The following TRHDE variants were observed in gnomAD, a reference collection of about 807,000 sequenced individuals.
TRHDE encodes the protein thyrotropin-releasing hormone-degrading ectoenzyme.
A neutral mutation model predicts 125.7 loss-of-function variants in TRHDE; 72 were observed. The observed-to-expected ratio is 0.57, with a 90% CI of 0.47 to 0.70. TRHDE has a LOEUF of 0.70. Among genes scored for constraint, TRHDE ranks in the 30% least tolerant of loss-of-function variants. TRHDE has a pLI of 0.00. For synonymous variants in TRHDE, 509 were observed against 509.1 expected, an observed-to-expected ratio of 1.00 and a Z score of 0.00; for missense variants, 1,110 against 1,327.1, an observed-to-expected ratio of 0.84 and a Z score of 2.54.
intron 12 of TRHDE, among the ~76,000 whole-genome samples, chr12:72,596,406 C>T (rs1871942410): frequency 6.6e-6 from 1 of 152,114 alleles, no homozygotes; most frequent in South Asian, 2.1e-4. Flanking sequence ...CACTGTAACA[C>T]TGTTTTGCAC....
chr12:72,365,113 A>G (rs1871288411), intron 2 of TRHDE, among the ~76,000 whole-genome samples: 1 of 152,078 alleles, frequency 6.6e-6, no homozygotes, highest in Non-Finnish European at 1.5e-5. Context: ...TGCAGGAGAA[A>G]GATTAGTTGT....
chr12:72,154,365 C>G (rs574752456), intron 2 of TRHDE, among the ~76,000 whole-genome samples: 454 of 152,268 alleles, frequency 3.0e-3, no homozygotes, highest in African/African-American at 0.011. Context: ...CAGTCTGTGT[C>G]TATTAATTGG....
At chr12:72,088,524 C>T (rs1022547102) in intron 1 of TRHDE, among the ~76,000 whole-genome samples, 3 of 151,902 alleles carry the variant, frequency 2.0e-5, no homozygotes, top group African/African-American at 7.3e-5. Context: ...AGAGTATGAA[C>T]TCCAGCATTA....
At chr12:72,505,745 G>A (rs543226992) in intron 6 of TRHDE, among the ~76,000 whole-genome samples, 96 of 152,208 alleles carry the variant, frequency 6.3e-4, no homozygotes, top group African/African-American at 2.1e-3. Context: ...AACTTGCTGC[G>A]CTTTGCCAAT....
At chr12:72,568,969 C>T (rs1403277698) in intron 10 of TRHDE, among the ~76,000 whole-genome samples, 1 of 151,808 alleles carries the variant, frequency 6.6e-6, no homozygotes, top group Non-Finnish European at 1.5e-5. Context: ...TAATTATAAC[C>T]TCAAAGAGAA....
chr12:72,627,920 C>A (rs1873329402), intron 15 of TRHDE, among the ~76,000 whole-genome samples: 1 of 151,624 alleles, frequency 6.6e-6, no homozygotes, highest in Admixed American at 6.6e-5. Context: ...TGGTCTCAAG[C>A]AATCCTCCTG....
chr12:72,509,546 T>A (rs1399636653), intron 6 of TRHDE, among the ~76,000 whole-genome samples: 1 of 152,168 alleles, frequency 6.6e-6, no homozygotes, highest in Non-Finnish European at 1.5e-5. Context: ...TTACTCCACA[T>A]AGTGTCATGG....
intron 12 of TRHDE, among the ~76,000 whole-genome samples, chr12:72,597,565 G>C (rs1747222754): frequency 6.7e-6 from 1 of 150,202 alleles, no homozygotes; most frequent in Admixed American, 6.6e-5. Context: ...CTATTCTGGG[G>C]GCTGAAGCGG....
rs530312036 is a variant in TRHDE at position 72,669,224 on chromosome 12, G to A, written c.*6029G>A. ...TAAACTTCTGTCTTTGCATGTGGAG[G>A]AGACATATTAGTCTAGCCAGAACTT... On this transcript the variant is annotated 3_prime_UTR_variant, in exon 19 of 19. Coordinates refer to ENST00000261180, the MANE Select transcript of TRHDE (RefSeq NM_013381.3). 6.6e-6 allele frequency: 1 copy of A among 151,754 alleles called. No individual in the cohort carries two copies. Among genetic ancestry groups the A allele is most frequent in the Non-Finnish European group, 1.5e-5 (1 of 67,820 alleles). 9.4% of individuals were successfully genotyped at this position (151,754 alleles called of 1,614,324 possible). A position where few individuals can be genotyped will look rare whatever the true frequency, so the allele number is the denominator to read the frequency against.
chr12:72,209,718 G>A (rs967756186), intron 2 of TRHDE, among the ~76,000 whole-genome samples: 1 of 152,148 alleles, frequency 6.6e-6, no homozygotes, highest in African/African-American at 2.4e-5. Context: ...GTAAGAGGTG[G>A]AGACCAGTTG....
chr12:72,180,568 G>A (rs1161610935), intron 2 of TRHDE, among the ~76,000 whole-genome samples: 4 of 152,016 alleles, frequency 2.6e-5, no homozygotes, highest in African/African-American at 7.2e-5. Context: ...TGTTCCTTTT[G>A]AAAAGGGATA....
chr12:72,275,779 G>T (rs1407117877), intron 1 of TRHDE, among the ~76,000 whole-genome samples: 2 of 152,118 alleles, frequency 1.3e-5, no homozygotes, highest in Non-Finnish European at 2.9e-5. Flanking sequence ...TGTACCCCTA[G>T]TGCGTATTTG....
chr12:72,201,357 AT>A (rs1877555879), intron 2 of TRHDE, among the ~76,000 whole-genome samples: 1 of 152,238 alleles, frequency 6.6e-6, no homozygotes, highest in Admixed American at 6.5e-5. Context: ...TATCAAAAAA[AT>A]AAAGTAGAAA....
rs567135461 is a variant in TRHDE at position 72,131,363 on chromosome 12, C to T, written n.279+25611C>T. The stretch of plus-strand genomic sequence containing the variant: ...CTGGAATTACAGGTGTGAGCCACCG[C>T]GCCCGGCCTCTACTTAATGTATTTT... On this transcript the variant is annotated intron_variant and non_coding_transcript_variant, in intron 2 of 4. Transcript: ENST00000548156. 3.3e-5 allele frequency among the ~76,000 whole-genome samples: 5 copies of T among 152,112 alleles called. No individual in the cohort carries two copies. The South Asian group carries it at 8.3e-4, about 25-fold the overall frequency.
chr12:72,586,306 G>T (rs1057153214), intron 12 of TRHDE, among the ~76,000 whole-genome samples: 1 of 152,160 alleles, frequency 6.6e-6, no homozygotes, highest in Non-Finnish European at 1.5e-5. Flanking sequence ...TGGTTAATTT[G>T]AAGTAACATA....
rs546066757 is a variant in TRHDE, at chr12:72,525,426, A to T, written c.1723-16865A>T. On this transcript the variant is annotated intron_variant, in intron 6 of 18. Coordinates refer to ENST00000261180, the MANE Select transcript of TRHDE (RefSeq NM_013381.3). ...AAACTAAATAATATATTATGATGAGATATTTAATAGTAATTGGATTATTAA... is the reference window on the plus strand; with the variant it reads ...AAACTAAATAATATATTATGATGAGTTATTTAATAGTAATTGGATTATTAA... 2.1e-3 allele frequency among the ~76,000 whole-genome samples: 313 copies of T among 152,190 alleles called. 2 individuals carry two copies. The highest frequency in any genetic ancestry group is 7.1e-3 in the African/African-American group (295 of 41,546).
At chr12:72,474,222 A>T (rs1230359136) in intron 5 of TRHDE, among the ~76,000 whole-genome samples, 1 of 152,180 alleles carries the variant, frequency 6.6e-6, no homozygotes, top group Non-Finnish European at 1.5e-5. Context: ...TGCCATAAAC[A>T]TATTCATCAC....
intron 12 of TRHDE, among the ~76,000 whole-genome samples, chr12:72,600,888 A>G (rs929521850): frequency 2.6e-5 from 4 of 152,086 alleles, no homozygotes; most frequent in African/African-American, 9.6e-5. Context: ...GAGCTCTGAT[A>G]CAGTTGTACC....
intron 2 of TRHDE, among the ~76,000 whole-genome samples, chr12:72,327,879 G>T (rs1869413131): frequency 6.6e-6 from 1 of 152,122 alleles, no homozygotes; most frequent in South Asian, 2.1e-4. Flanking sequence ...GTTTCGCTCA[G>T]GCTTCTTTTT....
Sources: gnomAD v4.1 joint callset for allele counts (sites outside exome capture counted in the v4.1 genomes callset) on GRCh38, gnomAD v4.1.1 for gene constraint, MANE v1.5 for transcripts, NCBI Gene and HGNC (gene_info 2026-07-23, HGNC 2026-07-21) for gene names.